Variants in NEK10 observed in about 807,000 individuals in gnomAD.
NEK10 encodes the protein NIMA related kinase 10, also known as serine/threonine-protein kinase Nek10.
Under a neutral mutation model 159.8 loss-of-function variants are expected in NEK10, and 122 were observed. The ratio of observed to expected loss-of-function variants is 0.76; its 90% CI spans 0.66 to 0.89. NEK10 has a LOEUF of 0.89. Ranked by LOEUF, NEK10 falls within the 40% of genes least tolerant of loss-of-function variation. NEK10 has a pLI of 0.00. For synonymous variants in NEK10, 466 were observed against 457.1 expected, an observed-to-expected ratio of 1.02 and a Z score of -0.25; for missense variants, 1,342 against 1,323.1, an observed-to-expected ratio of 1.01 and a Z score of -0.22.
chr3:27,337,797 A>G (rs2046917934), intron 5 of NEK10, among the ~76,000 whole-genome samples: 1 of 152,172 alleles, frequency 6.6e-6, no homozygotes, highest in Non-Finnish European at 1.5e-5. Context: ...ATATACAAAA[A>G]TCAACACAAG....
At chr3:27,249,919 C>T (rs1671936391) in intron 23 of NEK10, among the ~76,000 whole-genome samples, 1 of 152,068 alleles carries the variant, frequency 6.6e-6, no homozygotes, top group African/African-American at 2.4e-5. Flanking sequence ...TACCATGAAA[C>T]TTGCAAATAC....
chr3:27,258,196 A>G (rs1956414938), intron 22 of NEK10, among the ~76,000 whole-genome samples: 1 of 152,150 alleles, frequency 6.6e-6, no homozygotes, highest in Admixed American at 6.5e-5. Flanking sequence ...ATAATTTAAT[A>G]TATGCAAATG....
chr3:27,224,303 T>G (rs973878905), intron 23 of NEK10, among the ~76,000 whole-genome samples: 1 of 152,246 alleles, frequency 6.6e-6, no homozygotes, highest in African/African-American at 2.4e-5. Context: ...GCTTCCAGCA[T>G]GAGTTCCCTC....
intron 23 of NEK10, among the ~76,000 whole-genome samples, chr3:27,217,189 C>A (rs955982379): frequency 6.6e-5 from 10 of 152,080 alleles, no homozygotes; most frequent in African/African-American, 2.4e-4. Context: ...TTATTTAACC[C>A]TACATATCAT....
intron 26 of NEK10, among the ~76,000 whole-genome samples, chr3:27,180,451 G>A (rs1391415908): frequency 2.0e-5 from 3 of 151,226 alleles, no homozygotes; most frequent in East Asian, 3.9e-4. Context: ...GGGAGGGGAA[G>A]GGAAGGGAAG....
At chr3:27,113,844 CACTT>C (rs1656410565) in intron 35 of NEK10, among the ~76,000 whole-genome samples, 1 of 152,118 alleles carries the variant, frequency 6.6e-6, no homozygotes, top group African/African-American at 2.4e-5. Flanking sequence ...GTTCCTTGCA[CACTT>C]AGTTTTTCTT....
chr3:27,352,538 A>G lies in NEK10; in HGVS notation c.72-13T>C. On this transcript the variant is annotated splice_polypyrimidine_tract_variant and intron_variant, in intron 2 of 35. Transcript: ENST00000691995. Reference sequence around the variant, plus strand: ...ATCTGAATAGTCCCTAGGAGAGAGAATAACACAATGTGAACCCACAGAAGG... The same window carrying G: ...ATCTGAATAGTCCCTAGGAGAGAGAGTAACACAATGTGAACCCACAGAAGG... The G allele has an allele frequency of 6.3e-7, 1 of 1,594,968 alleles. No homozygotes were observed. The highest frequency in any genetic ancestry group is 8.6e-7 in the Non-Finnish European group (1 of 1,162,798).
intron 30 of NEK10, among the ~76,000 whole-genome samples, chr3:27,158,876 G>A (rs140051045): frequency 1.4e-4 from 22 of 152,254 alleles, no homozygotes; most frequent in African/African-American, 5.3e-4. Flanking sequence ...ATATTTTTGT[G>A]TGATTTAATT....
intron 34 of NEK10, 32 bp from the exon 35 acceptor site, chr3:27,116,027 T>C: frequency 1.2e-6 from 2 of 1,612,334 alleles, no homozygotes; most frequent in Middle Eastern, 1.7e-4. Context: ...TAGTATTGAA[T>C]TAGAAGTAAC....
chr3:27,227,497 C>T (rs1952756910), intron 23 of NEK10, among the ~76,000 whole-genome samples: 1 of 152,162 alleles, frequency 6.6e-6, no homozygotes, highest in Non-Finnish European at 1.5e-5. Flanking sequence ...CAAACACCTC[C>T]TCCTCAGACA....
chr3:27,169,661 C>G (rs1185177592), intron 29 of NEK10, among the ~76,000 whole-genome samples: 1 of 152,204 alleles, frequency 6.6e-6, no homozygotes, highest in Non-Finnish European at 1.5e-5. Flanking sequence ...TCGTTTGTCA[C>G]CTAACTGAAT....
chr3:27,314,367 G>A lies in NEK10; in HGVS notation c.448-29C>T, dbSNP rs377583643. ...ATAAAATAAAAGCAACAAAACACATGTAAATGATGAGGGTGGAGGGGGAAG... is the reference window on the plus strand; with the variant it reads ...ATAAAATAAAAGCAACAAAACACATATAAATGATGAGGGTGGAGGGGGAAG... On this transcript the variant is annotated intron_variant, in intron 6 of 35. Transcript: ENST00000691995. 1.9e-5 allele frequency: 27 copies of A among 1,441,850 alleles called. No individual in the cohort carries two copies. In the African/African-American group the frequency reaches 3.6e-4, roughly 19 times the overall value. The allele number at this position is 1,441,850 out of a possible 1,614,324, so 89.3% of individuals were successfully genotyped here.
intron 35 of NEK10, among the ~76,000 whole-genome samples, chr3:27,115,416 C>T (rs1168631750): frequency 6.6e-6 from 1 of 152,128 alleles, no homozygotes; most frequent in African/African-American, 2.4e-5. Flanking sequence ...TGGAAGATAA[C>T]ATACAGCTCC....
At chr3:27,311,838 A>AT (rs1249995826) in intron 8 of NEK10, 9 of 420,364 alleles carry the variant, frequency 2.1e-5, no homozygotes, top group Non-Finnish European at 3.4e-5. Flanking sequence ...GCAAAAATAG[A>AT]TTTTACCAAA....
At chr3:27,346,573 G>A (rs1376627763) in intron 3 of NEK10, among the ~76,000 whole-genome samples, 1 of 152,170 alleles carries the variant, frequency 6.6e-6, no homozygotes, top group Non-Finnish European at 1.5e-5. Flanking sequence ...GGTTTGGGGT[G>A]ACACCTGGGC....
Position 27,147,829 on chromosome 3 carries a change from C to T in NEK10, c.2870-6247G>A, listed in dbSNP as rs560761654. Among the ~76,000 whole-genome samples the T allele has an allele frequency of 6.0e-4, 92 of 152,300 alleles. 1 individual carries two copies. Among genetic ancestry groups the T allele is most frequent in the Non-Finnish European group, 1.1e-3 (77 of 68,024 alleles). Reference sequence around the variant, plus strand: ...CCCTATAGAAGTTCTACCAGTCTTACGCTTAATTTAGCAATCTTATGTCAG... The same window carrying T: ...CCCTATAGAAGTTCTACCAGTCTTATGCTTAATTTAGCAATCTTATGTCAG... On this transcript the variant is annotated intron_variant, in intron 30 of 35. Coordinates refer to ENST00000691995, the MANE Select transcript of NEK10 (RefSeq NM_001394966.1).
At chr3:27,324,069 G>A (rs899816827) in intron 5 of NEK10, among the ~76,000 whole-genome samples, 8 of 152,184 alleles carry the variant, frequency 5.3e-5, no homozygotes, top group African/African-American at 1.7e-4. Flanking sequence ...CTCAGAAGGT[G>A]AGGTTAGCTT....
Position 27,284,912 on chromosome 3 carries a change from T to A in NEK10, c.1839A>T (p.Gly613=). The A allele has an allele frequency of 6.2e-7, 1 of 1,604,318 alleles. No homozygotes were observed. The highest frequency in any genetic ancestry group is 8.5e-7 in the Non-Finnish European group (1 of 1,171,450). ...TTTCCTTCAAAGAACTGAAATGCTC[T>A]CCAAGCGGGGCTCCTTCTATCAGCT... ...VMELIEGAPL[G]EHFSSLKEKH... Residue 613 remains glycine, a synonymous_variant, in exon 21 of 36, where the codon GGA becomes GGT. Transcript: ENST00000691995.
intron 23 of NEK10, among the ~76,000 whole-genome samples, chr3:27,229,035 A>G (rs1310300299): frequency 6.6e-6 from 1 of 152,136 alleles, no homozygotes; most frequent in African/African-American, 2.4e-5. Flanking sequence ...TACCCCCCCT[A>G]CTGGCCTGAA....
Sources: gnomAD v4.1 joint callset for allele counts (sites outside exome capture counted in the v4.1 genomes callset) on GRCh38, gnomAD v4.1.1 for gene constraint, MANE v1.5 for transcripts, NCBI Gene and HGNC (gene_info 2026-07-23, HGNC 2026-07-21) for gene names.